Variants in PRELID2 observed in about 807,000 individuals in gnomAD.
PRELID2 encodes PRELI domain containing 2.
PRELID2 carries 25 observed loss-of-function variants against 28.4 expected under a neutral mutation model. The observed-to-expected ratio is 0.88, with a 90% CI of 0.64 to 1.23. The LOEUF is 1.23. Ranked by LOEUF, PRELID2 falls within the 50% of genes most tolerant of loss-of-function variation. The probability of loss-of-function intolerance (pLI) is 0.00; values close to 1 mark genes in which losing one functional copy is unlikely to be tolerated. For missense variants in PRELID2, 201 were observed against 214.4 expected, an observed-to-expected ratio of 0.94 and a Z score of 0.39; for synonymous variants, 76 against 71.6, an observed-to-expected ratio of 1.06 and a Z score of -0.31.
chr5:145,250,977 C>G, the PRELID2 span, among the ~76,000 whole-genome samples: 14 of 152,022 alleles, frequency 9.2e-5, no homozygotes, highest in Non-Finnish European at 1.9e-4. Flanking sequence ...CCTTTGCAAT[C>G]AGAAAAATAA....
chr5:145,716,989 G>A (rs1232122047), intron 1 of PRELID2, among the ~76,000 whole-genome samples: 2 of 152,092 alleles, frequency 1.3e-5, no homozygotes, highest in South Asian at 2.1e-4. Flanking sequence ...AATGGAATGC[G>A]TGAATAAAGT....
intron 1 of PRELID2, among the ~76,000 whole-genome samples, chr5:145,653,784 C>G (rs148598477): frequency 6.6e-6 from 1 of 152,064 alleles, no homozygotes; most frequent in Non-Finnish European, 1.5e-5. Flanking sequence ...TAAATGCCCA[C>G]AAGAGAAAGC....
chr5:145,743,049 T>C (rs1369679591), intron 1 of PRELID2, among the ~76,000 whole-genome samples: 1 of 151,928 alleles, frequency 6.6e-6, no homozygotes, highest in East Asian at 1.9e-4. Context: ...CCCTTTCAAG[T>C]ATTAAGAAAA....
the PRELID2 span, among the ~76,000 whole-genome samples, chr5:145,377,305 C>A: frequency 6.6e-6 from 1 of 152,028 alleles, no homozygotes; most frequent in Middle Eastern, 3.2e-3. Flanking sequence ...GTTTTACTTC[C>A]AATTACATGA....
chr5:145,812,456 C>A (rs1754016841), intron 4 of PRELID2, among the ~76,000 whole-genome samples: 1 of 152,234 alleles, frequency 6.6e-6, no homozygotes, highest in South Asian at 2.1e-4. Flanking sequence ...GGCCATCTTA[C>A]TTCATACAAG....
chr5:145,359,547 T>C, the PRELID2 span, among the ~76,000 whole-genome samples: 1 of 152,236 alleles, frequency 6.6e-6, no homozygotes, highest in African/African-American at 2.4e-5. Context: ...AGAAATAAGA[T>C]GCAGAATCGA....
At chr5:145,657,435 C>A (rs1230485461) in intron 1 of PRELID2, among the ~76,000 whole-genome samples, 3 of 152,164 alleles carry the variant, frequency 2.0e-5, no homozygotes, top group Non-Finnish European at 4.4e-5. Flanking sequence ...CCTGTAATCC[C>A]AGCACTTTGG....
chr5:145,280,534 G>C, the PRELID2 span, among the ~76,000 whole-genome samples: 1 of 151,976 alleles, frequency 6.6e-6, no homozygotes, highest in East Asian at 1.9e-4. Context: ...ATAGCTTTAG[G>C]AGATATACCT....
At chr5:145,417,768 C>G in the PRELID2 span, among the ~76,000 whole-genome samples, 1 of 151,908 alleles carries the variant, frequency 6.6e-6, no homozygotes, top group Non-Finnish European at 1.5e-5. Flanking sequence ...GAGCCATACA[C>G]GATAAATCCA....
intron 4 of PRELID2, among the ~76,000 whole-genome samples, chr5:145,810,976 G>A (rs899136338): frequency 1.3e-5 from 2 of 149,720 alleles, no homozygotes; most frequent in Admixed American, 6.8e-5. Flanking sequence ...CCTGAGACTG[G>A]GTAATTTATA....
intron 1 of PRELID2, among the ~76,000 whole-genome samples, chr5:145,550,926 T>C (rs536316029): frequency 5.9e-5 from 9 of 152,312 alleles, no homozygotes; most frequent in Admixed American, 3.3e-4. Context: ...GAAAAGTTTA[T>C]ATCAGTAATT....
chr5:145,466,935 A>G (rs1460825678), downstream of PRELID2, among the ~76,000 whole-genome samples: 1 of 152,204 alleles, frequency 6.6e-6, no homozygotes, highest in East Asian at 1.9e-4. Context: ...AAATTAATCT[A>G]GTACCAAATC....
the PRELID2 span, among the ~76,000 whole-genome samples, chr5:145,454,266 G>T: frequency 1.3e-5 from 2 of 152,112 alleles, no homozygotes; most frequent in Non-Finnish European, 2.9e-5. Context: ...ATTAGGTATT[G>T]ATGGGATGTA....
rs114910591 is a variant in PRELID2 at position 145,807,444 on chromosome 5, G to C, written c.368+10450C>G. Among the ~76,000 whole-genome samples, 878 of 152,056 alleles carry C rather than the reference G, an allele frequency of 5.8e-3. 8 individuals carry two copies. The highest frequency in any genetic ancestry group is 0.02 in the African/African-American group (835 of 41,486). Reference sequence around the variant, plus strand: ...TAGTTCTAACAACTTACATTTATTCGGTGCTTCATAAATGCGCAGAGCATG... The same window carrying C: ...TAGTTCTAACAACTTACATTTATTCCGTGCTTCATAAATGCGCAGAGCATG... On this transcript the variant is annotated intron_variant, in intron 4 of 6. Coordinates refer to ENST00000683046, the MANE Select transcript of PRELID2 (RefSeq NM_205846.3).
At chr5:145,399,736 T>A in the PRELID2 span, among the ~76,000 whole-genome samples, 3 of 152,176 alleles carry the variant, frequency 2.0e-5, no homozygotes, top group East Asian at 5.8e-4. Flanking sequence ...AAAAGAAAGA[T>A]GTTTATTGGA....
chr5:145,418,307 T>A, the PRELID2 span, among the ~76,000 whole-genome samples: 1 of 152,142 alleles, frequency 6.6e-6, no homozygotes, highest in African/African-American at 2.4e-5. Context: ...AAAATGGCCA[T>A]CCAGTACAAA....
the PRELID2 span, among the ~76,000 whole-genome samples, chr5:145,404,135 C>T: frequency 1.3e-5 from 2 of 152,334 alleles, no homozygotes; most frequent in African/African-American, 4.8e-5. Context: ...TTAAGCGTAA[C>T]ATTCTCTGTA....
At chr5:145,798,191 T>C (rs1029894317) in intron 4 of PRELID2, among the ~76,000 whole-genome samples, 3 of 151,296 alleles carry the variant, frequency 2.0e-5, no homozygotes, top group South Asian at 2.1e-4. Context: ...AAAAAACAAA[T>C]AAAAAGAATA....
intron 1 of PRELID2, among the ~76,000 whole-genome samples, chr5:145,529,990 T>A (rs1752641197): frequency 6.6e-6 from 1 of 152,150 alleles, no homozygotes; most frequent in Non-Finnish European, 1.5e-5. Context: ...AATGATCTGC[T>A]TTACTGAAAG....
Sources: gnomAD v4.1 joint callset for allele counts (sites outside exome capture counted in the v4.1 genomes callset) on GRCh38, gnomAD v4.1.1 for gene constraint, MANE v1.5 for transcripts, NCBI Gene and HGNC (gene_info 2026-07-23, HGNC 2026-07-21) for gene names.